Variants in VAT1 observed in about 807,000 individuals in gnomAD.
VAT1 encodes the protein vesicle amine transport 1, also known as NADPH-dependent quinone oxidoreductase VAT1.
In VAT1, 24 loss-of-function variants were observed where a neutral mutation model predicts 33.3. The ratio of observed to expected loss-of-function variants is 0.72; its 90% CI spans 0.52 to 1.01. The LOEUF is 1.01. VAT1 is among the 50% of genes least tolerant of loss of function. The pLI is 0.00. For synonymous variants in VAT1, 212 were observed against 225.0 expected (o/e 0.94, Z 0.52); for missense variants, 436 against 533.7 (o/e 0.82, Z 1.80).
Position 43,018,603 on chromosome 17 carries a change from T to C in VAT1, c.584A>G (p.His195Arg), listed in dbSNP as rs1173344062. 6.2e-7 allele frequency: 1 copy of C among 1,613,550 alleles called. No individual in the cohort carries two copies. Among genetic ancestry groups the C allele is most frequent in the Non-Finnish European group, 8.5e-7 (1 of 1,180,028 alleles). The change falls in exon 2 of 6, where the codon CAC becomes CGC. Residue 195 changes from histidine to arginine, a missense_variant. By Grantham distance (29) the His-to-Arg change is conservative (BLOSUM62 0). Transcript: ENST00000355653. ...AGGGGACCTGTCACCTGCAGCCATG[T>C]GTACCAAGACGCTGTGGCCAGGCTG... ...NLQPGHSVLV[H>R]MAAGGVGMAA...
rs1225942617 is a variant in VAT1, at chr17:43,022,242, G to C, written c.81C>G (p.Ser27Arg). 4 of 1,577,252 alleles carry C rather than the reference G, an allele frequency of 2.5e-6. No individual in the cohort carries two copies. The highest frequency in any genetic ancestry group is 3.4e-6 in the Non-Finnish European group (4 of 1,162,336). The stretch of plus-strand genomic sequence containing the variant: ...CGGAGGCCGCGGGATGCTGGGGGTC[G>C]CTCGCTGCCTCGGTTTTCGGAGGCG... Reference protein sequence around the residue: ...SSPPPKTEAASDPQHPAASEG... With the variant: ...SSPPPKTEAARDPQHPAASEG... The change falls in exon 1 of 6, where the codon AGC becomes AGG. Residue 27 changes from serine to arginine, a missense_variant. This residue lies in a region of VAT1 where 154 missense variants were observed against 128.3 expected (regional missense o/e 1.20). Coordinates refer to ENST00000355653, the MANE Select transcript of VAT1 (RefSeq NM_006373.4).
At chr17:43,021,243 T>C (rs1431475206) in intron 1 of VAT1, among the ~76,000 whole-genome samples, 2 of 152,192 alleles carry the variant, frequency 1.3e-5, no homozygotes, top group Non-Finnish European at 2.9e-5. Context: ...GAGGAGATAC[T>C]GCAGTCACGG....
chr17:43,019,399 C>A (rs73983786), intron 1 of VAT1: 1 of 152,658 alleles, frequency 6.6e-6, no homozygotes, highest in African/African-American at 2.4e-5. Flanking sequence ...AATATAATAG[C>A]AGCAAGGAAG....
chr17:43,020,074 G>T lies in VAT1; in HGVS notation c.388-1275C>A, dbSNP rs1053703725. On this transcript the variant is annotated intron_variant, in intron 1 of 5. Transcript: ENST00000355653. ...AGATACAGAACAACCCAGGAGAGCT[G>T]CGAGGAGTGCATTGGTCATTTAGGG... 1.1e-5 allele frequency: 11 copies of T among 983,016 alleles called. No individual in the cohort carries two copies. The Admixed American group carries it at 3.7e-4, about 33-fold the overall frequency. The allele number at this position is 983,016 out of a possible 1,614,324, so 60.9% of individuals were successfully genotyped here. A position where few individuals can be genotyped will look rare whatever the true frequency, so the allele number is the denominator to read the frequency against.
chr17:43,022,334 C>G lies in VAT1; in HGVS notation c.-12G>C. On this transcript the variant is annotated 5_prime_UTR_variant, in exon 1 of 6. Transcript: ENST00000355653. ...CTCTCGTCGGACATGGCTGGGACTC[C>G]CGACGAGAGCGCACAGCTGGATGGA... The G allele has an allele frequency of 6.5e-7, 1 of 1,546,702 alleles. No homozygotes were observed. The highest frequency in any genetic ancestry group is 8.7e-7 in the Non-Finnish European group (1 of 1,150,332).
chr17:43,019,097 A>G (rs2050544822), intron 1 of VAT1: 2 of 418,010 alleles, frequency 4.8e-6, no homozygotes, highest in South Asian at 2.6e-5. Flanking sequence ...CAGATCTTAC[A>G]TGTCACTATT....
chr17:43,022,223 CCGCGGGATGCTGGGGGT>C lies in VAT1; in HGVS notation c.83_99del (p.Asp28GlyfsTer63). 6.4e-7 allele frequency: 1 copy of C among 1,569,664 alleles called. No homozygotes were observed. Among genetic ancestry groups the C allele is most frequent in the Non-Finnish European group, 8.6e-7 (1 of 1,157,936 alleles). On this transcript the variant is annotated frameshift_variant, in exon 1 of 6. Coordinates refer to ENST00000355653, the MANE Select transcript of VAT1 (RefSeq NM_006373.4). LOFTEE classifies it high-confidence loss of function. ...GCGGCGGCGGCGGCCCCTTCGGAGG[CCGCGGGATGCTGGGGGT>C]CGCTCGCTGCCTCGGTTTTCGGAGG...
In VAT1 at chr17:43,016,561, G is replaced by T. The variant is rs200920881; in HGVS notation, c.857-13C>A. On this transcript the variant is annotated splice_polypyrimidine_tract_variant and intron_variant, in intron 4 of 5. Coordinates refer to ENST00000355653, the MANE Select transcript of VAT1 (RefSeq NM_006373.4). The stretch of plus-strand genomic sequence containing the variant: ...AGGTTGGCCATTCCTGAAGGACAAG[G>T]TGACATAGCCTGTGAACCCCCCCAG... 2.5e-6 allele frequency: 4 copies of T among 1,611,972 alleles called. No individual in the cohort carries two copies. In the South Asian group the frequency reaches 4.4e-5, roughly 18 times the overall value.
intron 1 of VAT1, 192 bp from the exon 2 acceptor site, chr17:43,018,991 T>A (rs1317985870): frequency 1.5e-6 from 1 of 651,352 alleles, no homozygotes; most frequent in African/African-American, 1.8e-5. Context: ...GAGTGCTGAC[T>A]GAGGGCCGAG....
intron 5 of VAT1, 65 bp downstream of exon 5, chr17:43,016,242 G>A: frequency 6.2e-7 from 1 of 1,608,086 alleles, no homozygotes; most frequent in Non-Finnish European, 8.5e-7. Flanking sequence ...CCAGGAATCT[G>A]CCCCTTGGGA....
At chr17:43,021,209 A>C (rs9915489) in intron 1 of VAT1, among the ~76,000 whole-genome samples, 1 of 152,016 alleles carries the variant, frequency 6.6e-6, no homozygotes, top group Non-Finnish European at 1.5e-5. Context: ...CGTGGCCCGA[A>C]GGCTGAGGGC....
At chr17:43,019,004 C>T (rs1264155861) in intron 1 of VAT1, 7 of 609,082 alleles carry the variant, frequency 1.1e-5, no homozygotes, top group South Asian at 4.0e-5. Context: ...GGGCCGAGCC[C>T]GATTTCAAGT....
At chr17:43,021,404 G>GGGA (rs1169007125) in intron 1 of VAT1, among the ~76,000 whole-genome samples, 1 of 152,118 alleles carries the variant, frequency 6.6e-6, no homozygotes, top group Non-Finnish European at 1.5e-5. Context: ...GCCTTGCTTT[G>GGGA]GGAGGGGCCG....
rs1255873915 is a variant in VAT1 at position 43,022,091 on chromosome 17, G to A, written c.232C>T (p.Gln78Ter). The change falls in exon 1 of 6, where the codon CAG (glutamine) becomes TAG (stop). Residue 78 changes from glutamine (Q) to a stop codon, truncating the protein, a stop_gained. Transcript: ENST00000355653. LOFTEE classifies it high-confidence loss of function. ...CAGGCCCGCAGACGCAGCGTCAGCT[G>A]GCCGGGCCCAGGGGCCGGGGGCGCT... The part of the protein sequence containing the change: ...PAAPPAPGPG[Q>*]LTLRLRACGL... 1 of 1,587,384 alleles carries A rather than the reference G, an allele frequency of 6.3e-7. No homozygotes were observed. The highest frequency in any genetic ancestry group is 8.6e-7 in the Non-Finnish European group (1 of 1,168,142).
At chr17:43,017,955 G>A in intron 3 of VAT1, 25 bp from the exon 4 acceptor site, 1 of 1,613,892 alleles carries the variant, frequency 6.2e-7, no homozygotes, top group Non-Finnish European at 8.5e-7. Flanking sequence ...GGGAACCCAA[G>A]AACAACATTA....
Position 43,022,331 on chromosome 17 carries a change from C to G in VAT1, c.-9G>C. ...TCTCTCTCGTCGGACATGGCTGGGA[C>G]TCCCGACGAGAGCGCACAGCTGGAT... On this transcript the variant is annotated 5_prime_UTR_variant, in exon 1 of 6. Coordinates refer to ENST00000355653, the MANE Select transcript of VAT1 (RefSeq NM_006373.4). 2 of 1,552,168 alleles carry G rather than the reference C, an allele frequency of 1.3e-6. No individual in the cohort carries two copies. The highest frequency in any genetic ancestry group is 2.3e-5 in the South Asian group (2 of 85,982).
At chr17:43,019,663 G>C (rs2050550571) in intron 1 of VAT1, 1 of 152,314 alleles carries the variant, frequency 6.6e-6, no homozygotes, top group African/African-American at 2.4e-5. Flanking sequence ...GAGGGAAAGG[G>C]GACAAAGATA....
intron 1 of VAT1, chr17:43,019,000 A>G (rs1042075439): frequency 9.6e-6 from 6 of 624,220 alleles, no homozygotes; most frequent in Admixed American, 5.9e-5. Context: ...CTGAGGGCCG[A>G]GCCCGATTTC....
chr17:43,020,359 G>C (rs988887083), intron 1 of VAT1: 2 of 895,132 alleles, frequency 2.2e-6, no homozygotes, highest in Non-Finnish European at 2.7e-6. Context: ...GCAGTAACAT[G>C]AACTACAACT....
Sources: allele counts gnomAD v4.1 joint callset (sites outside exome capture counted in the v4.1 genomes callset), GRCh38; gene constraint gnomAD v4.1.1; regional missense constraint gnomAD v4.1.1; transcripts MANE v1.5; gene names NCBI Gene and HGNC (gene_info 2026-07-23, HGNC 2026-07-21).